MAPK10: variants seen among roughly 807,000 people sequenced by gnomAD.
The protein encoded by MAPK10 is JNK3 alpha protein kinase.
MAPK10 carries 25 observed loss-of-function variants against 59.3 expected under a neutral mutation model. That is an observed-to-expected ratio of 0.42 (90% CI 0.31 to 0.59). MAPK10 has a LOEUF of 0.59. Among genes scored for constraint, MAPK10 ranks in the 20% least tolerant of loss-of-function variants. MAPK10 has a pLI of 0.15. For missense variants in MAPK10, 351 were observed against 568.9 expected, an observed-to-expected ratio of 0.62 and a Z score of 3.90; for synonymous variants, 190 against 200.5, an observed-to-expected ratio of 0.95 and a Z score of 0.44.
At chr4:86,338,856 T>TAAG (rs1554224616) in intron 2 of MAPK10, among the ~76,000 whole-genome samples, 1 of 151,674 alleles carries the variant, frequency 6.6e-6, no homozygotes, top group Non-Finnish European at 1.5e-5. Flanking sequence ...TGTTTAGTGT[T>TAAG]AACAAAATTT....
At chr4:86,210,267 T>C (rs894825961) in intron 2 of MAPK10, among the ~76,000 whole-genome samples, 1 of 151,618 alleles carries the variant, frequency 6.6e-6, no homozygotes, top group Non-Finnish European at 1.5e-5. Flanking sequence ...AAAGCAAAAA[T>C]AGACAAATAG....
chr4:86,094,047 TG>T (rs2053757520), intron 9 of MAPK10, among the ~76,000 whole-genome samples: 1 of 151,936 alleles, frequency 6.6e-6, no homozygotes, highest in African/African-American at 2.4e-5. Context: ...TATAGTAAGT[TG>T]TTAGTTGCAA....
At chr4:86,229,897 A>C (rs929599490) in intron 2 of MAPK10, among the ~76,000 whole-genome samples, 6 of 152,104 alleles carry the variant, frequency 3.9e-5, no homozygotes, top group Non-Finnish European at 4.4e-5. Flanking sequence ...CTCTACAAAA[A>C]AAAAAATCAA....
chr4:86,297,294 GTTTT>G (rs2095383079), intron 2 of MAPK10, among the ~76,000 whole-genome samples: 1 of 152,026 alleles, frequency 6.6e-6, no homozygotes, highest in Non-Finnish European at 1.5e-5. Flanking sequence ...GTTATATAGA[GTTTT>G]TGTTTGTTTG....
In MAPK10 at chr4:86,266,393, C is replaced by G. The variant is rs72865372; in HGVS notation, c.-6-71986G>C. Among the ~76,000 whole-genome samples the G allele has an allele frequency of 1.0e-3, 155 of 152,274 alleles. 1 individual carries two copies. In the Middle Eastern group the frequency reaches 0.01, roughly 10 times the overall value. ...TTTTCCTCATCTGTATTAATAGTCTCTACCTCACAGTATTGCTGTGAGGTT... is the reference window on the plus strand; with the variant it reads ...TTTTCCTCATCTGTATTAATAGTCTGTACCTCACAGTATTGCTGTGAGGTT... On this transcript the variant is annotated intron_variant, in intron 2 of 13. Transcript: ENST00000641462.
At chr4:86,168,779 CT>C (rs1293928656) in intron 3 of MAPK10, among the ~76,000 whole-genome samples, 1 of 152,230 alleles carries the variant, frequency 6.6e-6, no homozygotes, top group African/African-American at 2.4e-5. Context: ...TCCCTGACCC[CT>C]GACCCCCGAG....
rs138788326 is a variant in MAPK10, at chr4:86,280,526, G to A, written c.-7+74004C>T. Among the ~76,000 whole-genome samples the A allele has an allele frequency of 5.8e-3, 885 of 152,302 alleles. 8 individuals are homozygous for A. The highest frequency in any genetic ancestry group is 0.02 in the African/African-American group (833 of 41,586). On this transcript the variant is annotated intron_variant, in intron 2 of 13. Transcript: ENST00000641462. Reference sequence around the variant, plus strand: ...GAGGGAATGTAAATTAGTTCAGCCAGTGTGGACAGCAGCTTGGAGATTTCT... The same window carrying A: ...GAGGGAATGTAAATTAGTTCAGCCAATGTGGACAGCAGCTTGGAGATTTCT...
At chr4:86,408,762 T>C (rs2149024672) in intron 1 of MAPK10, among the ~76,000 whole-genome samples, 1 of 152,344 alleles carries the variant, frequency 6.6e-6, no homozygotes, top group Non-Finnish European at 1.5e-5. Context: ...GTTTTTTTCT[T>C]GTAAATTTGT....
At chr4:86,196,658 G>C (rs1303562971) in intron 2 of MAPK10, among the ~76,000 whole-genome samples, 1 of 152,054 alleles carries the variant, frequency 6.6e-6, no homozygotes, top group African/African-American at 2.4e-5. Context: ...GAATGGTATT[G>C]CCTAGGTTTT....
At chr4:86,277,330 G>A (rs2094613622) in intron 2 of MAPK10, 1 of 152,042 alleles carries the variant, frequency 6.6e-6, no homozygotes, top group Admixed American at 6.6e-5. Flanking sequence ...ACCCACTGGG[G>A]GGAAGAAAAA....
intron 1 of MAPK10, among the ~76,000 whole-genome samples, chr4:86,487,362 A>AGAGAGTGTGT (rs1554272299): frequency 6.7e-6 from 1 of 148,718 alleles, no homozygotes; most frequent in African/African-American, 2.5e-5. Context: ...AGAGAGAGAG[A>AGAGAGTGTGT]GTGTGTGTGT....
At chr4:86,392,434 T>C (rs1186979676) in intron 1 of MAPK10, 1 of 124,280 alleles carries the variant, frequency 8.0e-6, no homozygotes, top group Non-Finnish European at 1.8e-5. Context: ...AGAGTGAAAC[T>C]GTCTCAAAAA....
At chr4:86,395,823 T>C (rs545230966) in intron 1 of MAPK10, among the ~76,000 whole-genome samples, 6 of 152,276 alleles carry the variant, frequency 3.9e-5, no homozygotes, top group African/African-American at 1.4e-4. Flanking sequence ...TGGTGTCTCT[T>C]CCTCATCCTG....
intron 11 of MAPK10, among the ~76,000 whole-genome samples, chr4:86,062,658 G>A (rs1027551365): frequency 6.6e-6 from 1 of 151,682 alleles, no homozygotes; most frequent in African/African-American, 2.4e-5. Flanking sequence ...AAATAAATGA[G>A]GAGAAACAAT....
chr4:86,169,119 C>A (rs1356913208), intron 3 of MAPK10, among the ~76,000 whole-genome samples: 1 of 152,108 alleles, frequency 6.6e-6, no homozygotes, highest in Non-Finnish European at 1.5e-5. Context: ...GGGGAAAAAA[C>A]AGAACAGAAA....
At chr4:86,298,740 C>T (rs2095415022) in intron 2 of MAPK10, among the ~76,000 whole-genome samples, 2 of 152,156 alleles carry the variant, frequency 1.3e-5, no homozygotes, top group Admixed American at 6.6e-5. Flanking sequence ...GTGACTGGCC[C>T]AAATACAACT....
chr4:86,276,471 TG>T (rs757925352), intron 2 of MAPK10, among the ~76,000 whole-genome samples: 13 of 152,080 alleles, frequency 8.5e-5, no homozygotes, highest in Non-Finnish European at 1.6e-4. Context: ...AAAAGATACA[TG>T]CTTGCTTGCT....
intron 1 of MAPK10, among the ~76,000 whole-genome samples, chr4:86,384,721 G>T (rs1312232445): frequency 6.6e-6 from 1 of 152,188 alleles, no homozygotes; most frequent in Non-Finnish European, 1.5e-5. Context: ...TTTGCCAACT[G>T]TAGGATTAGA....
intron 1 of MAPK10, among the ~76,000 whole-genome samples, chr4:86,448,063 G>A (rs1379393769): frequency 2.0e-5 from 3 of 151,922 alleles, no homozygotes; most frequent in Non-Finnish European, 4.4e-5. Flanking sequence ...AGTTTTTGTG[G>A]GAGTTAGATT....
Sources: gnomAD v4.1 joint callset for allele counts (sites outside exome capture counted in the v4.1 genomes callset) on GRCh38, gnomAD v4.1.1 for gene constraint, MANE v1.5 for transcripts, NCBI Gene and HGNC (gene_info 2026-07-23, HGNC 2026-07-21) for gene names.